Variants in HYDIN observed in about 807,000 individuals in gnomAD.
HYDIN encodes the protein HYDIN axonemal central pair apparatus protein, also known as axonemal central pair apparatus protein HYDIN.
Under a neutral mutation model 403.9 loss-of-function variants are expected in HYDIN, and 132 were observed. That is an observed-to-expected ratio of 0.33 (90% CI 0.28 to 0.38). The LOEUF (loss-of-function observed/expected upper bound fraction) is 0.38. HYDIN is among the 10% of genes least tolerant of loss of function. HYDIN has a pLI of 1.00. For missense variants in HYDIN, 2,827 were observed against 5,009.5 expected, an observed-to-expected ratio of 0.56 and a Z score of 13.15; for synonymous variants, 1,202 against 1,891.7, an observed-to-expected ratio of 0.64 and a Z score of 9.46.
chr16:70,810,859 T>C (rs1597010791), intron 84 of HYDIN, among the ~76,000 whole-genome samples: 3 of 151,830 alleles, frequency 2.0e-5, no homozygotes, highest in African/African-American at 4.8e-5. Flanking sequence ...TGTAGAGCAA[T>C]ACACATCGAA....
At chr16:71,215,743 T>G (rs1402317231) in intron 1 of HYDIN, among the ~76,000 whole-genome samples, 5 of 149,968 alleles carry the variant, frequency 3.3e-5, no homozygotes, top group Admixed American at 1.3e-4. Context: ...ACAAAACTAC[T>G]GTACCAGAAT....
intron 16 of HYDIN, chr16:71,062,610 G>C (rs924820613): frequency 1.8e-5 from 5 of 285,358 alleles, no homozygotes; most frequent in African/African-American, 1.1e-4. Context: ...ACTTTCCTTA[G>C]GAAAAGGAAA....
At position 70,978,986 on chromosome 16, in the gene HYDIN, C is replaced by T; in HGVS notation, c.4566G>A (p.Glu1522=). 6.2e-7 allele frequency: 1 copy of T among 1,613,904 alleles called. No individual in the cohort carries two copies. The change falls in exon 30 of 86, where the codon GAG becomes GAA. Residue 1522 remains glutamate (E), a synonymous_variant. Transcript: ENST00000393567. The part of the protein sequence containing the change: ...LNQARKNTDK[E]YNKCEMLDHF... ...GATCGAGCATTTCACATTTGTTATA[C>T]TCTTTGTCTGTGTTTTTCCTGGCTT...
At chr16:70,940,291 C>T (rs1418327851) in intron 43 of HYDIN, among the ~76,000 whole-genome samples, 2 of 151,114 alleles carry the variant, frequency 1.3e-5, no homozygotes, top group Non-Finnish European at 2.9e-5. Flanking sequence ...CACCGTCATC[C>T]TCGCAAGTTT....
At chr16:71,165,227 C>T (rs183110210) in intron 5 of HYDIN, among the ~76,000 whole-genome samples, 1 of 151,304 alleles carries the variant, frequency 6.6e-6, no homozygotes, top group South Asian at 2.1e-4. Flanking sequence ...CATCGTTTCT[C>T]TGGCCACATC....
At chr16:71,087,956 G>A (rs916065712) in intron 12 of HYDIN, 2 of 154,642 alleles carry the variant, frequency 1.3e-5, no homozygotes, top group African/African-American at 2.4e-5. Context: ...AATGGCCAAA[G>A]CTTAGCCCAG....
At chr16:71,019,847 A>AT (rs2080413983) in intron 22 of HYDIN, among the ~76,000 whole-genome samples, 2 of 152,270 alleles carry the variant, frequency 1.3e-5, no homozygotes, top group African/African-American at 2.4e-5. Flanking sequence ...CCATATTTGA[A>AT]TTTTTTCTCA....
intron 18 of HYDIN, among the ~76,000 whole-genome samples, chr16:71,037,837 T>C (rs1298643759): frequency 6.6e-6 from 1 of 152,228 alleles, no homozygotes; most frequent in Non-Finnish European, 1.5e-5. Flanking sequence ...CTCAGCCTCT[T>C]GAGATCCTAA....
At chr16:70,859,529 T>G (rs2039270342) in intron 71 of HYDIN, among the ~76,000 whole-genome samples, 2 of 152,148 alleles carry the variant, frequency 1.3e-5, no homozygotes, top group African/African-American at 4.8e-5. Flanking sequence ...CACGGATTTA[T>G]TTCTGTCTTC....
At chr16:70,895,852 T>C in intron 54 of HYDIN, 129 bp downstream of exon 54, 1 of 1,408,658 alleles carries the variant, frequency 7.1e-7, no homozygotes, top group Non-Finnish European at 9.3e-7. Context: ...GCTCACATTA[T>C]TATTTATTAA....
At chr16:70,996,869 G>T (rs1292157147) in intron 23 of HYDIN, among the ~76,000 whole-genome samples, 3 of 151,762 alleles carry the variant, frequency 2.0e-5, no homozygotes, top group African/African-American at 4.8e-5. Flanking sequence ...GTGGTGGGGG[G>T]GATGGTTTCA....
At chr16:71,176,522 T>C (rs1467230549) in intron 4 of HYDIN, among the ~76,000 whole-genome samples, 2 of 152,060 alleles carry the variant, frequency 1.3e-5, no homozygotes, top group Non-Finnish European at 2.9e-5. Context: ...TTGACTCCCA[T>C]GCTACAGACA....
At chr16:71,230,034 C>T (rs2041211920) in intron 1 of HYDIN, among the ~76,000 whole-genome samples, 1 of 152,172 alleles carries the variant, frequency 6.6e-6, no homozygotes, top group Non-Finnish European at 1.5e-5. Flanking sequence ...TTGCCTGCCG[C>T]CATATAAGAC....
Position 71,178,933 on chromosome 16 carries a change from C to A in HYDIN, c.376G>T (p.Asp126Tyr). 1 of 1,611,134 alleles carries A rather than the reference C, an allele frequency of 6.2e-7. No individual in the cohort carries two copies. The highest frequency in any genetic ancestry group is 1.1e-5 in the South Asian group (1 of 90,584). ...YEVPLILRNNDKIPRLVKVVE... is the reference protein window; with the variant it reads ...YEVPLILRNNYKIPRLVKVVE... ...ACCCCAGTGAACATACTCACTTTGTCATTGTTCCTCAAAATCAGTGGAACT... is the reference window on the plus strand; with the variant it reads ...ACCCCAGTGAACATACTCACTTTGTAATTGTTCCTCAAAATCAGTGGAACT... The change falls in exon 4 of 86, where the codon GAC becomes TAC. Residue 126 changes from aspartate to tyrosine, a missense_variant. Transcript: ENST00000393567.
At chr16:71,069,670 T>C (rs567038646) in intron 13 of HYDIN, among the ~76,000 whole-genome samples, 168 bp from the exon 14 acceptor site, 1 of 152,374 alleles carries the variant, frequency 6.6e-6, no homozygotes, top group East Asian at 1.9e-4. Context: ...ATTCCATCAA[T>C]AAATACATTT....
chr16:71,214,869 C>T (rs574832329), intron 1 of HYDIN, among the ~76,000 whole-genome samples: 2 of 152,170 alleles, frequency 1.3e-5, no homozygotes, highest in Non-Finnish European at 2.9e-5. Context: ...ACTCCTCCCC[C>T]GCAATCACTT....
chr16:70,841,303 G>C (rs940471714), intron 75 of HYDIN, among the ~76,000 whole-genome samples: 1 of 152,072 alleles, frequency 6.6e-6, no homozygotes, highest in Non-Finnish European at 1.5e-5. Context: ...CTGCCAACCA[G>C]AGTAGAAAGA....
chr16:71,070,714 G>A (rs1001815084), intron 13 of HYDIN, among the ~76,000 whole-genome samples: 2 of 131,534 alleles, frequency 1.5e-5, no homozygotes, highest in Non-Finnish European at 3.1e-5. Context: ...AGACACAGGA[G>A]AACAAAAATG....
At chr16:70,869,356 A>ATAAG (rs1420658244) in intron 65 of HYDIN, among the ~76,000 whole-genome samples, 1 of 143,968 alleles carries the variant, frequency 6.9e-6, no homozygotes, top group Non-Finnish European at 1.5e-5. Flanking sequence ...TCATTTTCTC[A>ATAAG]TAAGTGTACA....
Sources: allele counts gnomAD v4.1 joint callset (sites outside exome capture counted in the v4.1 genomes callset), GRCh38; gene constraint gnomAD v4.1.1; transcripts MANE v1.5; gene names NCBI Gene and HGNC (gene_info 2026-07-23, HGNC 2026-07-21).